Variants in FOXJ3 observed in about 807,000 individuals in gnomAD.
FOXJ3 encodes the protein forkhead box protein J3.
A neutral mutation model predicts 76.1 loss-of-function variants in FOXJ3; 22 were observed. The ratio of observed to expected loss-of-function variants is 0.29; its 90% CI spans 0.21 to 0.41. The LOEUF is 0.41. FOXJ3 is among the 10% of genes least tolerant of loss of function. The probability of loss-of-function intolerance (pLI) is 1.00; values close to 1 mark genes in which losing one functional copy is unlikely to be tolerated. For synonymous variants in FOXJ3, 269 were observed against 261.2 expected (o/e 1.03, Z -0.29); for missense variants, 613 against 762.1 (o/e 0.80, Z 2.30).
intron 3 of FOXJ3, among the ~76,000 whole-genome samples, chr1:42,276,973 C>G (rs193283389): frequency 6.6e-6 from 1 of 152,130 alleles, no homozygotes; most frequent in African/African-American, 2.4e-5. Flanking sequence ...CACCTCTCAA[C>G]GCGCTGAGAT....
At chr1:42,328,697 T>G (rs1023317089) in intron 1 of FOXJ3, among the ~76,000 whole-genome samples, 2 of 117,294 alleles carry the variant, frequency 1.7e-5, no homozygotes, top group African/African-American at 6.5e-5. Context: ...TTTTTTTTTT[T>G]GAGACAATGT....
intron 6 of FOXJ3, among the ~76,000 whole-genome samples, chr1:42,203,546 C>T (rs538611283): frequency 6.6e-6 from 1 of 152,322 alleles, no homozygotes; most frequent in African/African-American, 2.4e-5. Flanking sequence ...GGGTGTATTA[C>T]CATGGCTCTC....
intron 4 of FOXJ3, among the ~76,000 whole-genome samples, chr1:42,237,032 T>C (rs1316637064): frequency 6.6e-6 from 1 of 152,118 alleles, no homozygotes; most frequent in Non-Finnish European, 1.5e-5. Flanking sequence ...TTAGACTTTT[T>C]AGTATTCCAA....
intron 5 of FOXJ3, among the ~76,000 whole-genome samples, chr1:42,218,027 G>A (rs1374465868): frequency 6.6e-6 from 1 of 152,152 alleles, no homozygotes; most frequent in Non-Finnish European, 1.5e-5. Context: ...ACAACATGCA[G>A]TGCTCCCACA....
chr1:42,179,889 C>T (rs1202579378), intron 12 of FOXJ3, 64 bp from the exon 13 acceptor site: 2 of 1,010,156 alleles, frequency 2.0e-6, no homozygotes, highest in Non-Finnish European at 3.2e-6. Flanking sequence ...AATAAACTAA[C>T]CCCTACTGTG....
chr1:42,286,262 T>C (rs1653048541), intron 2 of FOXJ3, among the ~76,000 whole-genome samples: 1 of 152,212 alleles, frequency 6.6e-6, no homozygotes, highest in Admixed American at 6.5e-5. Context: ...TTTTCTAAAT[T>C]AGTTATATAC....
At chr1:42,248,018 T>G (rs1649684547) in intron 4 of FOXJ3, among the ~76,000 whole-genome samples, 1 of 152,132 alleles carries the variant, frequency 6.6e-6, no homozygotes, top group African/African-American at 2.4e-5. Flanking sequence ...TATAATTATT[T>G]TATATGAATG....
intron 8 of FOXJ3, 54 bp from the exon 9 acceptor site, chr1:42,191,773 A>C (rs115971942): frequency 0.017 from 27,049 of 1,563,592 alleles, 303 homozygotes; most frequent in Non-Finnish European, 0.019. Flanking sequence ...TTTTATGACA[A>C]ACATTTGTAA....
At chr1:42,198,963 T>C in intron 7 of FOXJ3, 139 bp downstream of exon 7, 1 of 640,900 alleles carries the variant, frequency 1.6e-6, no homozygotes, top group Non-Finnish European at 2.6e-6. Flanking sequence ...TCCTCTAATT[T>C]TGATCTACTT....
chr1:42,325,410 A>C (rs1655769921), intron 1 of FOXJ3, among the ~76,000 whole-genome samples: 1 of 152,218 alleles, frequency 6.6e-6, no homozygotes, highest in South Asian at 2.1e-4. Context: ...AAATCACAGG[A>C]TACTTCCAGA....
At chr1:42,245,049 G>A (rs146247080) in intron 4 of FOXJ3, among the ~76,000 whole-genome samples, 48 of 151,898 alleles carry the variant, frequency 3.2e-4, no homozygotes, top group South Asian at 4.2e-4. Context: ...GCATGGTGGC[G>A]TGCGCCTGTA....
chr1:42,208,262 T>C (rs773559004), intron 5 of FOXJ3, among the ~76,000 whole-genome samples: 3 of 152,200 alleles, frequency 2.0e-5, no homozygotes, highest in Non-Finnish European at 4.4e-5. Flanking sequence ...AAGGATCTGC[T>C]GATACAAAGA....
At chr1:42,189,470 G>A (rs550383537) in intron 9 of FOXJ3, 66 bp from the exon 10 acceptor site, 11 of 1,111,152 alleles carry the variant, frequency 9.9e-6, no homozygotes, top group South Asian at 5.2e-5. Context: ...AAGGGAAAAC[G>A]ATGAGCTGCC....
Position 42,251,654 on chromosome 1 carries a change from T to C in FOXJ3, c.444+13461A>G, listed in dbSNP as rs186333861. Among the ~76,000 whole-genome samples the C allele has an allele frequency of 2.8e-4, 43 of 152,064 alleles. No homozygotes were observed. The East Asian group carries it at 8.3e-3, about 29-fold the overall frequency. ...CTTGCATCCCAGGGATGAAGCCCAC[T>C]TGATCATGGTGGATAAGCTTTTTGA... On this transcript the variant is annotated intron_variant, in intron 4 of 12. Coordinates refer to ENST00000361346, the MANE Select transcript of FOXJ3 (RefSeq NM_014947.5).
intron 4 of FOXJ3, among the ~76,000 whole-genome samples, chr1:42,257,655 T>C (rs992330270): frequency 9.2e-5 from 14 of 151,734 alleles, no homozygotes; most frequent in African/African-American, 3.4e-4. Flanking sequence ...AGGAGAATCA[T>C]TTGAGCCTGG....
At chr1:42,227,324 A>G (rs1456916602) in intron 5 of FOXJ3, among the ~76,000 whole-genome samples, 2 of 152,226 alleles carry the variant, frequency 1.3e-5, no homozygotes, top group Non-Finnish European at 2.9e-5. Flanking sequence ...CTGACTAAAA[A>G]TATGTTAAAA....
intron 4 of FOXJ3, among the ~76,000 whole-genome samples, chr1:42,250,851 A>C (rs1277392482): frequency 6.6e-6 from 1 of 151,604 alleles, no homozygotes; most frequent in Non-Finnish European, 1.5e-5. Context: ...ATTCACCAAA[A>C]TATTAGACAG....
At chr1:42,267,473 G>A (rs1328367406) in intron 3 of FOXJ3, among the ~76,000 whole-genome samples, 7 of 151,978 alleles carry the variant, frequency 4.6e-5, no homozygotes, top group East Asian at 3.9e-4. Flanking sequence ...CCACAAGAAC[G>A]GCCTGAGAAA....
chr1:42,260,454 A>G (rs1650947109), intron 4 of FOXJ3, among the ~76,000 whole-genome samples: 1 of 152,178 alleles, frequency 6.6e-6, no homozygotes, highest in Non-Finnish European at 1.5e-5. Context: ...TAATCTCAAC[A>G]CTTTGGGAAG....
Sources: gnomAD v4.1 joint callset for allele counts (sites outside exome capture counted in the v4.1 genomes callset) on GRCh38, gnomAD v4.1.1 for gene constraint, MANE v1.5 for transcripts, NCBI Gene and HGNC (gene_info 2026-07-23, HGNC 2026-07-21) for gene names.